The following TMLHE variants were observed in gnomAD, a reference collection of about 807,000 sequenced individuals.
TMLHE encodes the protein trimethyllysine dioxygenase, mitochondrial.
TMLHE carries 18 observed loss-of-function variants against 25.7 expected under a neutral mutation model. The observed-to-expected ratio is 0.70, with a 90% CI of 0.48 to 1.04. The LOEUF (loss-of-function observed/expected upper bound fraction) is 1.04, where lower values mean the gene tolerates loss of function less well. TMLHE is among the 50% of genes least tolerant of loss of function. The pLI, the probability that TMLHE is intolerant of heterozygous loss-of-function variation, is 0.00. For synonymous variants in TMLHE, 105 were observed against 97.0 expected (o/e 1.08, Z -0.49); for missense variants, 236 against 259.0 (o/e 0.91, Z 0.61).
chrX:155,589,602 C>A (rs1557345698), intron 1 of TMLHE, among the ~76,000 whole-genome samples: 2 of 111,526 alleles, frequency 1.8e-5, no homozygotes, highest in Non-Finnish European at 3.8e-5. Flanking sequence ...AAGATAGAGA[C>A]CAGAATGATA....
intron 1 of TMLHE, among the ~76,000 whole-genome samples, chrX:155,605,108 T>A (rs1394089571): frequency 1.8e-5 from 2 of 111,932 alleles, no homozygotes; most frequent in Non-Finnish European, 3.8e-5. Flanking sequence ...GGATAGGAAT[T>A]AAGATCATTT....
chrX:155,550,110 A>T (rs962555385), intron 1 of TMLHE, among the ~76,000 whole-genome samples: 2 of 110,335 alleles, frequency 1.8e-5, no homozygotes, highest in Non-Finnish European at 3.8e-5. Flanking sequence ...CATTTTCTTT[A>T]TCCAGTCTCA....
intron 1 of TMLHE, among the ~76,000 whole-genome samples, chrX:155,548,056 A>G (rs2067366451): frequency 8.9e-6 from 1 of 111,989 alleles, no homozygotes; most frequent in African/African-American, 3.2e-5. Flanking sequence ...ATGCAGAAGA[A>G]TGAGACCCCT....
intron 1 of TMLHE, among the ~76,000 whole-genome samples, chrX:155,582,028 C>T (rs781813586): frequency 8.9e-6 from 1 of 112,063 alleles, no homozygotes; most frequent in Non-Finnish European, 1.9e-5. Flanking sequence ...CACACATCTA[C>T]AACCATCTGA....
At chrX:155,557,112 G>A (rs7066884) in intron 1 of TMLHE, among the ~76,000 whole-genome samples, 268 of 111,541 alleles carry the variant, frequency 2.4e-3, no homozygotes, top group African/African-American at 8.3e-3. Context: ...TGTAGTTAAC[G>A]CAATTATTAC....
At chrX:155,530,731 C>G (rs1336813074) in intron 2 of TMLHE, among the ~76,000 whole-genome samples, 1 of 112,453 alleles carries the variant, frequency 8.9e-6, no homozygotes, top group Non-Finnish European at 1.9e-5. Context: ...AAAAAAACTA[C>G]TGAACCTTGG....
rs1056071488 is a variant in TMLHE, at chrX:155,523,333, T to A, written c.358+1123A>T. 1.3e-4 allele frequency among the ~76,000 whole-genome samples: 14 copies of A among 108,740 alleles called. No individual in the cohort carries two copies. The South Asian group carries it at 1.5e-3, about 12-fold the overall frequency. 94.4% of individuals were successfully genotyped at this position (108,740 alleles called of 115,157 possible). On this transcript the variant is annotated intron_variant, in intron 3 of 7. Transcript: ENST00000334398. ...CGTTTAAGTCCGCAATCTACTATGA[T>A]TTTTTTTTTATATAAGGTGTGAGAC...
chrX:155,600,711 A>G (rs1379490217), intron 1 of TMLHE, among the ~76,000 whole-genome samples: 2 of 112,137 alleles, frequency 1.8e-5, no homozygotes, highest in East Asian at 5.6e-4. Context: ...GTCTGTGCAC[A>G]TGCTCGGGAG....
chrX:155,600,103 T>C (rs1219195165), intron 1 of TMLHE, among the ~76,000 whole-genome samples: 6 of 112,003 alleles, frequency 5.4e-5, no homozygotes, highest in African/African-American at 1.9e-4. Context: ...ATATACTGAA[T>C]TTTCTAGGAG....
chrX:155,546,324 T>G (rs2067344549), intron 1 of TMLHE, among the ~76,000 whole-genome samples: 1 of 111,355 alleles, frequency 9.0e-6, no homozygotes, highest in African/African-American at 3.3e-5. Flanking sequence ...TTAGAAAAAT[T>G]AATAAAACAA....
intron 1 of TMLHE, among the ~76,000 whole-genome samples, chrX:155,548,984 T>G (rs782283156): frequency 1.1e-4 from 12 of 110,925 alleles, no homozygotes; most frequent in Non-Finnish European, 2.3e-4. Context: ...CATCTTTCAT[T>G]GAATTCATTC....
chrX:155,581,871 T>C (rs904957342), intron 1 of TMLHE, among the ~76,000 whole-genome samples: 7 of 111,757 alleles, frequency 6.3e-5, no homozygotes, highest in African/African-American at 2.3e-4. Flanking sequence ...GCCAATACAA[T>C]CCTAAGCAAA....
At chrX:155,572,680 C>T (rs1415931748) in intron 1 of TMLHE, among the ~76,000 whole-genome samples, 2 of 55,955 alleles carry the variant, frequency 3.6e-5, no homozygotes, top group African/African-American at 8.7e-5. Flanking sequence ...GAAATAACGC[C>T]GCATATCTAT....
At chrX:155,575,002 A>G (rs2067581068) in intron 1 of TMLHE, among the ~76,000 whole-genome samples, 1 of 112,161 alleles carries the variant, frequency 8.9e-6, no homozygotes, top group African/African-American at 3.2e-5. Flanking sequence ...GTTTACTAAG[A>G]CTACCATAAA....
At chrX:155,516,025 T>TA (rs1162152963) in intron 3 of TMLHE, among the ~76,000 whole-genome samples, 1 of 90,736 alleles carries the variant, frequency 1.1e-5, no homozygotes, top group Admixed American at 1.2e-4. Context: ...TTTTTTTTTT[T>TA]TTTTATTATA....
chrX:155,582,552 C>G (rs946516158), intron 1 of TMLHE, among the ~76,000 whole-genome samples: 6 of 112,185 alleles, frequency 5.3e-5, no homozygotes, highest in Non-Finnish European at 7.5e-5. Context: ...ATCTATGCAG[C>G]CAACAGACAC....
intron 1 of TMLHE, among the ~76,000 whole-genome samples, chrX:155,567,931 A>G (rs1272607521): frequency 1.6e-5 from 1 of 61,557 alleles, no homozygotes; most frequent in African/African-American, 3.6e-5. Context: ...CGATTTCTCC[A>G]TTTCCATCTG....
Position 155,511,726 on chromosome X carries a change from G to C in TMLHE, c.705C>G (p.Thr235=). 8.3e-7 allele frequency: 1 copy of C among 1,202,182 alleles called. No homozygotes were observed. The highest frequency in any genetic ancestry group is 1.1e-6 in the Non-Finnish European group (1 of 889,079). Residue 235 remains threonine (T), a synonymous_variant, in exon 5 of 8, where the codon ACC becomes ACG. Coordinates refer to ENST00000334398, the MANE Select transcript of TMLHE (RefSeq NM_018196.4). ...CAGTGTGCCGATCCAGAGCTAGCTT[G>C]GTGTACGCAGTGTCACCTCTGGAGA... The part of the protein sequence containing the change: ...SDFSRGDTAY[T]KLALDRHTDT...
chrX:155,530,841 GC>G (rs2067245614), intron 2 of TMLHE, among the ~76,000 whole-genome samples: 1 of 112,454 alleles, frequency 8.9e-6, no homozygotes, highest in Admixed American at 9.4e-5. Flanking sequence ...ACGAAGGTGG[GC>G]TAAACCAAGA....
Sources: allele counts gnomAD v4.1 joint callset (sites outside exome capture counted in the v4.1 genomes callset), GRCh38; gene constraint gnomAD v4.1.1; transcripts MANE v1.5; gene names NCBI Gene and HGNC (gene_info 2026-07-23, HGNC 2026-07-21).